The following KLF8 variants were observed in gnomAD, a reference collection of about 807,000 sequenced individuals.
KLF8 encodes KLF transcription factor 8, also known as Krueppel-like factor 8.
KLF8 carries 10 observed loss-of-function variants against 18.2 expected under a neutral mutation model. The ratio of observed to expected loss-of-function variants is 0.55; its 90% CI spans 0.34 to 0.93. The LOEUF (loss-of-function observed/expected upper bound fraction) is 0.93. Ranked by LOEUF, KLF8 falls within the 40% of genes least tolerant of loss-of-function variation. The pLI is 0.02. For missense variants in KLF8, 264 were observed against 277.9 expected (o/e 0.95, Z 0.36); for synonymous variants, 109 against 97.3 (o/e 1.12, Z -0.71).
chrX:56,068,655 C>T, the KLF8 span, among the ~76,000 whole-genome samples: 32 of 112,249 alleles, frequency 2.9e-4, no homozygotes, highest in Admixed American at 2.4e-3. Flanking sequence ...GTCACAGCTT[C>T]CTGTTGTCCC....
chrX:56,133,529 C>T, the KLF8 span, among the ~76,000 whole-genome samples: 3 of 111,574 alleles, frequency 2.7e-5, no homozygotes, highest in African/African-American at 9.8e-5. Flanking sequence ...GTAATAAAGT[C>T]CACCTATGAC....
At chrX:56,072,834 C>T in the KLF8 span, among the ~76,000 whole-genome samples, 1 of 111,560 alleles carries the variant, frequency 9.0e-6, no homozygotes, top group Admixed American at 9.6e-5. Flanking sequence ...CAAAATCTGT[C>T]GCTCTTAGGC....
chrX:55,934,274 A>C, the KLF8 span, among the ~76,000 whole-genome samples: 2 of 111,646 alleles, frequency 1.8e-5, no homozygotes, highest in African/African-American at 6.5e-5. Context: ...ATGGGGTTTA[A>C]TTAAGATTTT....
the KLF8 span, among the ~76,000 whole-genome samples, chrX:56,159,755 G>C: frequency 9.0e-5 from 10 of 110,912 alleles, no homozygotes; most frequent in East Asian, 2.8e-3. Flanking sequence ...ATTTTTTCTT[G>C]CATCTATTTG....
chrX:56,177,979 A>G, the KLF8 span, among the ~76,000 whole-genome samples: 1 of 111,294 alleles, frequency 9.0e-6, no homozygotes, highest in East Asian at 2.8e-4. Context: ...GAGTGACCCT[A>G]TTTTCCAGGT....
chrX:55,936,877 G>C, the KLF8 span, among the ~76,000 whole-genome samples: 1 of 112,158 alleles, frequency 8.9e-6, no homozygotes, highest in East Asian at 2.8e-4. Context: ...AAGCAGCCGG[G>C]AAACTCGAAC....
upstream of KLF8, among the ~76,000 whole-genome samples, chrX:56,229,804 C>A (rs1323814488): frequency 9.0e-6 from 1 of 111,664 alleles, no homozygotes; most frequent in Non-Finnish European, 1.9e-5. Flanking sequence ...TGGATGTTCT[C>A]ATTCCACCGC....
At chrX:56,082,214 ATTTACC>A in the KLF8 span, among the ~76,000 whole-genome samples, 1 of 111,736 alleles carries the variant, frequency 8.9e-6, no homozygotes, top group South Asian at 3.7e-4. Flanking sequence ...TTAAAATTTT[ATTTACC>A]TTAACCACTT....
the KLF8 span, among the ~76,000 whole-genome samples, chrX:55,919,399 C>T: frequency 9.0e-4 from 101 of 111,677 alleles, no homozygotes; most frequent in African/African-American, 3.0e-3. Context: ...ACTGGATTAC[C>T]GCTGCAAACT....
the KLF8 span, among the ~76,000 whole-genome samples, chrX:56,169,003 G>A: frequency 1.8e-5 from 2 of 111,427 alleles, no homozygotes; most frequent in Admixed American, 1.9e-4. Flanking sequence ...TATGATAATG[G>A]CATAAAAACT....
At chrX:56,190,040 T>TA in the KLF8 span, among the ~76,000 whole-genome samples, 6 of 109,079 alleles carry the variant, frequency 5.5e-5, no homozygotes, top group Non-Finnish European at 7.6e-5. Flanking sequence ...ATTAAAAAAA[T>TA]AAAAAAATAA....
chrX:56,162,853 G>T, the KLF8 span, among the ~76,000 whole-genome samples: 3 of 111,495 alleles, frequency 2.7e-5, no homozygotes, highest in East Asian at 5.6e-4. Flanking sequence ...CCCATCTTCT[G>T]TGCCGCTCAC....
chrX:56,172,267 C>A, the KLF8 span, among the ~76,000 whole-genome samples: 1 of 110,775 alleles, frequency 9.0e-6, no homozygotes, highest in Non-Finnish European at 1.9e-5. Context: ...TTCCCACACC[C>A]CACAACAGGC....
the KLF8 span, among the ~76,000 whole-genome samples, chrX:56,073,731 A>G: frequency 3.2e-4 from 33 of 101,818 alleles, no homozygotes; most frequent in Non-Finnish European, 5.8e-4. Context: ...TTGCATTTCC[A>G]TGATGACTAA....
chrX:56,079,699 T>A, the KLF8 span, among the ~76,000 whole-genome samples: 1 of 111,241 alleles, frequency 9.0e-6, no homozygotes, highest in African/African-American at 3.3e-5. Flanking sequence ...GGTATGGGTA[T>A]CCTTGTTGAC....
chrX:56,180,418 G>C, the KLF8 span, among the ~76,000 whole-genome samples: 1 of 110,709 alleles, frequency 9.0e-6, no homozygotes, highest in Non-Finnish European at 1.9e-5. Flanking sequence ...AAAACCCTCT[G>C]GATTCGTTTA....
chrX:55,972,890 A>T, the KLF8 span, among the ~76,000 whole-genome samples: 7 of 112,177 alleles, frequency 6.2e-5, no homozygotes, highest in African/African-American at 2.3e-4. Context: ...TGAACCAACA[A>T]AGAACCTGAA....
chrX:56,007,870 G>A, the KLF8 span, among the ~76,000 whole-genome samples: 4 of 110,746 alleles, frequency 3.6e-5, no homozygotes, highest in East Asian at 1.1e-3. Context: ...CTAGGTGATG[G>A]GATGATTTGT....
the KLF8 span, among the ~76,000 whole-genome samples, chrX:56,052,553 G>A: frequency 2.7e-5 from 3 of 111,733 alleles, no homozygotes; most frequent in Non-Finnish European, 5.6e-5. Context: ...TGCCCCTGCT[G>A]GGGGGTGCGT....
Sources: allele counts gnomAD v4.1 joint callset (sites outside exome capture counted in the v4.1 genomes callset), GRCh38; gene constraint gnomAD v4.1.1; transcripts MANE v1.5; gene names NCBI Gene and HGNC (gene_info 2026-07-23, HGNC 2026-07-21).